ATP2B1: variants seen among roughly 807,000 people sequenced by gnomAD.
ATP2B1 encodes ATPase plasma membrane Ca2+ transporting 1.
A neutral mutation model predicts 124.2 loss-of-function variants in ATP2B1; 14 were observed. That is an observed-to-expected ratio of 0.11 (90% CI 0.07 to 0.18). The LOEUF is 0.18. ATP2B1 is among the 10% of genes least tolerant of loss of function. The pLI is 1.00. For synonymous variants in ATP2B1, 449 were observed against 492.4 expected (o/e 0.91, Z 1.17); for missense variants, 763 against 1,466.1 (o/e 0.52, Z 7.83).
At chr12:89,610,823 T>C (rs1304304693) in intron 13 of ATP2B1, 8 of 340,030 alleles carry the variant, frequency 2.4e-5, no homozygotes, top group Non-Finnish European at 4.3e-5. Context: ...CCTATGAAAA[T>C]AGAACTTCCT....
chr12:89,671,936 A>C, intron 1 of ATP2B1, among the ~76,000 whole-genome samples: 1 of 152,162 alleles, frequency 6.6e-6, no homozygotes. Flanking sequence ...CTACTAAGAA[A>C]TGCAATCTCT....
chr12:89,645,802 C>T (rs749946640), intron 2 of ATP2B1, among the ~76,000 whole-genome samples: 2 of 152,174 alleles, frequency 1.3e-5, no homozygotes, highest in Non-Finnish European at 2.9e-5. Flanking sequence ...ATGGCATTCT[C>T]ACCTTAAAGT....
intron 1 of ATP2B1, among the ~76,000 whole-genome samples, chr12:89,692,812 G>C (rs1890697960): frequency 6.6e-6 from 1 of 152,094 alleles, no homozygotes; most frequent in African/African-American, 2.4e-5. Context: ...TGTATGTATG[G>C]AATTACTTAT....
chr12:89,700,447 A>G (rs1891708679), intron 1 of ATP2B1, among the ~76,000 whole-genome samples: 1 of 152,206 alleles, frequency 6.6e-6, no homozygotes, highest in Non-Finnish European at 1.5e-5. Flanking sequence ...AGCAAACAAA[A>G]AAGAGTAGTT....
At chr12:89,619,338 G>A (rs890708380) in intron 11 of ATP2B1, among the ~76,000 whole-genome samples, 6 of 152,114 alleles carry the variant, frequency 3.9e-5, no homozygotes, top group Non-Finnish European at 8.8e-5. Context: ...GAGGCCAGGT[G>A]CAGTGACTCA....
At chr12:89,629,744 A>C (rs1817510075) in intron 6 of ATP2B1, among the ~76,000 whole-genome samples, 1 of 152,180 alleles carries the variant, frequency 6.6e-6, no homozygotes, top group Admixed American at 6.5e-5. Context: ...AAGTGGCTAA[A>C]CCACCGTAAA....
intron 2 of ATP2B1, among the ~76,000 whole-genome samples, chr12:89,648,059 A>G (rs1884741388): frequency 3.3e-5 from 5 of 152,200 alleles, no homozygotes; most frequent in Admixed American, 3.3e-4. Context: ...TAAATTACCC[A>G]GTCTCAAGTA....
At chr12:89,613,269 C>T (rs1283570376) in intron 12 of ATP2B1, among the ~76,000 whole-genome samples, 1 of 152,152 alleles carries the variant, frequency 6.6e-6, no homozygotes, top group African/African-American at 2.4e-5. Context: ...GTGTGAGCCA[C>T]CATGCCCGGC....
rs193299132 is a variant in ATP2B1 at position 89,627,823 on chromosome 12, G to A, written c.929-107C>T. On this transcript the variant is annotated intron_variant, in intron 6 of 20. Coordinates refer to ENST00000428670, the MANE Select transcript of ATP2B1 (RefSeq NM_001366521.1). ...TCTATAACAGTTGTTACACAATGGT[G>A]TGTGTGTCTACAGATTAGAAAACAT... The A allele has an allele frequency of 4.2e-4, 504 of 1,204,968 alleles. 2 individuals are homozygous for A. In the African/African-American group the frequency reaches 7.0e-3, roughly 17 times the overall value. The allele number at this position is 1,204,968 out of a possible 1,614,324, so 74.6% of individuals were successfully genotyped here.
intron 3 of ATP2B1, among the ~76,000 whole-genome samples, chr12:89,636,791 A>G (rs1448863666): frequency 6.6e-6 from 1 of 152,206 alleles, no homozygotes; most frequent in Non-Finnish European, 1.5e-5. Context: ...TGTGAGGTAC[A>G]AGCAGGATAA....
intron 15 of ATP2B1, 147 bp from the exon 16 acceptor site, chr12:89,604,493 A>T (rs374535842): frequency 8.5e-6 from 5 of 586,924 alleles, no homozygotes; most frequent in East Asian, 6.1e-5. Context: ...TAACAGAGTT[A>T]TTCTAAGATA....
intron 11 of ATP2B1, among the ~76,000 whole-genome samples, chr12:89,619,547 G>A (rs1392010322): frequency 2.6e-5 from 4 of 151,330 alleles, no homozygotes; most frequent in Non-Finnish European, 5.9e-5. Context: ...AGGGGCGGAG[G>A]GTGAAGTGAG....
At chr12:89,661,832 C>T (rs920605164) in intron 1 of ATP2B1, among the ~76,000 whole-genome samples, 1 of 152,126 alleles carries the variant, frequency 6.6e-6, no homozygotes, top group Non-Finnish European at 1.5e-5. Context: ...CGAGAGCTAG[C>T]CTACATAGCT....
intron 2 of ATP2B1, among the ~76,000 whole-genome samples, chr12:89,643,052 A>C (rs79699283): frequency 0.017 from 2,469 of 147,890 alleles, 68 homozygotes; most frequent in African/African-American, 0.059. Flanking sequence ...GGAAGTTTAT[A>C]TATAAAGATA....
At chr12:89,669,512 C>A (rs561845247) in intron 1 of ATP2B1, among the ~76,000 whole-genome samples, 24 of 152,208 alleles carry the variant, frequency 1.6e-4, no homozygotes, top group African/African-American at 4.1e-4. Flanking sequence ...GCTGCGTGAC[C>A]CTGAACAACT....
intron 1 of ATP2B1, among the ~76,000 whole-genome samples, chr12:89,703,024 A>T (rs1393215192): frequency 1.3e-5 from 2 of 152,228 alleles, no homozygotes; most frequent in South Asian, 2.1e-4. Context: ...ATTACAAGCT[A>T]TGATTCCTAA....
chr12:89,683,490 A>G (rs1889606636), intron 1 of ATP2B1, among the ~76,000 whole-genome samples: 1 of 152,222 alleles, frequency 6.6e-6, no homozygotes, highest in Admixed American at 6.5e-5. Flanking sequence ...CCATGTGTAC[A>G]TGTCTGGTTG....
chr12:89,609,973 G>T lies in ATP2B1; in HGVS notation c.2406C>A (p.Gly802=). 2 of 1,613,606 alleles carry T rather than the reference G, an allele frequency of 1.2e-6. No individual in the cohort carries two copies. The highest frequency in any genetic ancestry group is 1.7e-6 in the Non-Finnish European group (2 of 1,179,716). The change falls in exon 15 of 21, where the codon GGC becomes GGA. Residue 802 remains glycine, a synonymous_variant. Transcript: ENST00000428670. The part of the protein sequence containing the change: ...VAVTGDGTND[G]PALKKADVGF... ...CAACATCTGCTTTCTTTAGTGCTGG[G>T]CCATCATTTGTACCATCACCAGTTA... is the stretch of plus-strand genomic sequence containing the variant.
chr12:89,679,776 G>C (rs1889112343), intron 1 of ATP2B1, among the ~76,000 whole-genome samples: 1 of 152,106 alleles, frequency 6.6e-6, no homozygotes, highest in Non-Finnish European at 1.5e-5. Context: ...CCATAGAAAA[G>C]AAAGTCCAAC....
Sources: allele counts gnomAD v4.1 joint callset (sites outside exome capture counted in the v4.1 genomes callset), GRCh38; gene constraint gnomAD v4.1.1; transcripts MANE v1.5; gene names NCBI Gene and HGNC (gene_info 2026-07-23, HGNC 2026-07-21).